The following ATP6V1C2 variants were observed in gnomAD, a reference collection of about 807,000 sequenced individuals.
The protein encoded by ATP6V1C2 is V-type proton ATPase subunit C 2.
In ATP6V1C2, 45 loss-of-function variants were observed where a neutral mutation model predicts 56.8. That is an observed-to-expected ratio of 0.79 (90% CI 0.62 to 1.02). The LOEUF is 1.02. Ranked by LOEUF, ATP6V1C2 falls within the 50% of genes least tolerant of loss-of-function variation. The probability of loss-of-function intolerance (pLI) is 0.00; values close to 1 mark genes in which losing one functional copy is unlikely to be tolerated. For synonymous variants in ATP6V1C2, 220 were observed against 201.3 expected, an observed-to-expected ratio of 1.09 and a Z score of -0.79; for missense variants, 463 against 519.7, an observed-to-expected ratio of 0.89 and a Z score of 1.06.
chr2:10,722,757 G>C (rs1358967392), intron 1 of ATP6V1C2, 67 bp from the exon 2 acceptor site: 1 of 1,512,448 alleles, frequency 6.6e-7, no homozygotes, highest in African/African-American at 1.4e-5. Flanking sequence ...GGAGTGGTGA[G>C]GCGGGGATAT....
intron 3 of ATP6V1C2, among the ~76,000 whole-genome samples, chr2:10,739,916 A>G (rs1162902713): frequency 2.0e-5 from 3 of 152,006 alleles, no homozygotes; most frequent in Non-Finnish European, 4.4e-5. Context: ...CCTGGCCAAC[A>G]TGGTGAAACC....
chr2:10,754,127 G>A (rs1213316445), intron 4 of ATP6V1C2, 61 bp downstream of exon 4: 18 of 1,434,124 alleles, frequency 1.3e-5, no homozygotes, highest in East Asian at 2.5e-5. Context: ...GACCAGAGTC[G>A]TCCTTGCTGT....
intron 6 of ATP6V1C2, 113 bp from the exon 7 acceptor site, chr2:10,771,726 G>A (rs1406370073): frequency 3.3e-5 from 26 of 786,826 alleles, no homozygotes; most frequent in Admixed American, 3.1e-4. Flanking sequence ...AGCATCCCTG[G>A]CACCCACCCT....
At chr2:10,748,972 T>C (rs1262664450) in intron 3 of ATP6V1C2, among the ~76,000 whole-genome samples, 1 of 150,998 alleles carries the variant, frequency 6.6e-6, no homozygotes, top group Non-Finnish European at 1.5e-5. Flanking sequence ...CTACTAAAAA[T>C]ACAAAAACTT....
At chr2:10,750,065 C>G (rs1162269029) in intron 3 of ATP6V1C2, among the ~76,000 whole-genome samples, 3 of 152,208 alleles carry the variant, frequency 2.0e-5, no homozygotes, top group Non-Finnish European at 4.4e-5. Flanking sequence ...TACTGCAATT[C>G]ACTGATGACC....
chr2:10,749,416 C>G (rs1663093392), intron 3 of ATP6V1C2, among the ~76,000 whole-genome samples: 1 of 151,998 alleles, frequency 6.6e-6, no homozygotes, highest in Admixed American at 6.6e-5. Context: ...AAGAAAATAG[C>G]CTTTTATAGA....
intron 5 of ATP6V1C2, among the ~76,000 whole-genome samples, chr2:10,766,583 G>A (rs60607198): frequency 0.031 from 4,754 of 151,724 alleles, 280 homozygotes; most frequent in African/African-American, 0.11. Context: ...ATTTTTTTTC[G>A]TTTTTTTGTT....
In ATP6V1C2 at chr2:10,731,484, T is replaced by C. The variant is rs187692684; in HGVS notation, c.197+4915T>C. Among the ~76,000 whole-genome samples, 477 of 152,340 alleles carry C rather than the reference T, an allele frequency of 3.1e-3. 5 individuals carry two copies. Among genetic ancestry groups the C allele is most frequent in the African/African-American group, 0.011 (455 of 41,574 alleles). ...GGTATGACTGGCCTTGTACAACTTATGGCCTAGCTGAGAAGACACATATTA... is the reference window on the plus strand; with the variant it reads ...GGTATGACTGGCCTTGTACAACTTACGGCCTAGCTGAGAAGACACATATTA... On this transcript the variant is annotated intron_variant, in intron 3 of 13. Coordinates refer to ENST00000272238, the MANE Select transcript of ATP6V1C2 (RefSeq NM_001039362.2).
At chr2:10,731,997 A>G (rs1481870744) in intron 3 of ATP6V1C2, among the ~76,000 whole-genome samples, 2 of 152,042 alleles carry the variant, frequency 1.3e-5, no homozygotes, top group Non-Finnish European at 2.9e-5. Flanking sequence ...AAAAGAAAAA[A>G]AAAAAGTGTG....
chr2:10,732,828 G>A (rs868117240), intron 3 of ATP6V1C2, among the ~76,000 whole-genome samples: 3 of 151,556 alleles, frequency 2.0e-5, no homozygotes, highest in Non-Finnish European at 2.9e-5. Flanking sequence ...AAAATTAGCC[G>A]GGCCTGGTGG....
chr2:10,727,669 C>T (rs1047672624), intron 3 of ATP6V1C2, among the ~76,000 whole-genome samples: 11 of 152,258 alleles, frequency 7.2e-5, no homozygotes, highest in African/African-American at 2.6e-4. Context: ...GAGGCCGAGG[C>T]AGGTGGATCA....
chr2:10,781,689 T>C (rs2148519911), intron 12 of ATP6V1C2, among the ~76,000 whole-genome samples: 1 of 152,230 alleles, frequency 6.6e-6, no homozygotes, highest in East Asian at 1.9e-4. Flanking sequence ...TAAAAATACA[T>C]CAACAATCAC....
chr2:10,767,521 G>A (rs1198843), intron 5 of ATP6V1C2, among the ~76,000 whole-genome samples: 57,220 of 151,648 alleles, frequency 0.38, 11,245 homozygotes, highest in East Asian at 0.63. Flanking sequence ...ACAGTGGTGT[G>A]ATCTCAGCTC....
chr2:10,779,942 C>CGT, intron 12 of ATP6V1C2, among the ~76,000 whole-genome samples: 1 of 152,264 alleles, frequency 6.6e-6, no homozygotes. Flanking sequence ...CTGCGTCCCG[C>CGT]GTCACGGAGC....
At chr2:10,755,405 C>T (rs746464236) in intron 4 of ATP6V1C2, among the ~76,000 whole-genome samples, 31 of 152,276 alleles carry the variant, frequency 2.0e-4, no homozygotes, top group Non-Finnish European at 3.7e-4. Context: ...TGGTCTTAAA[C>T]TCCTGGGCTC....
rs1662669062 is a variant in ATP6V1C2 at position 10,743,297 on chromosome 2, G to A, written c.198-10684G>A. 4.0e-5 allele frequency among the ~76,000 whole-genome samples: 6 copies of A among 151,184 alleles called. No individual in the cohort carries two copies. In the South Asian group the frequency reaches 1.3e-3, roughly 32 times the overall value. On this transcript the variant is annotated intron_variant, in intron 3 of 13. Coordinates refer to ENST00000272238, the MANE Select transcript of ATP6V1C2 (RefSeq NM_001039362.2). ...TATTTATTTATTTGGTAGATACAGG[G>A]TCTCGCTATGTTGCTCAAGCTGATC...
Position 10,774,893 on chromosome 2 carries a change from C to T in ATP6V1C2, c.731+13C>T, listed in dbSNP as rs972610045. On this transcript the variant is annotated intron_variant, in intron 9 of 13. Coordinates refer to ENST00000272238, the MANE Select transcript of ATP6V1C2 (RefSeq NM_001039362.2). ...CCAAAGAAAACAAGTAAGGGTCCTCCAGGTTTGGTTCATCTCCCGCTGCGG... is the reference window on the plus strand; with the variant it reads ...CCAAAGAAAACAAGTAAGGGTCCTCTAGGTTTGGTTCATCTCCCGCTGCGG... 1.7e-5 allele frequency: 27 copies of T among 1,613,714 alleles called. No individual in the cohort carries two copies. Among genetic ancestry groups the T allele is most frequent in the East Asian group, 2.2e-5 (1 of 44,896 alleles).
chr2:10,755,632 G>A (rs564371491), intron 4 of ATP6V1C2, among the ~76,000 whole-genome samples: 2 of 152,258 alleles, frequency 1.3e-5, no homozygotes, highest in South Asian at 2.1e-4. Context: ...AGCTCAGCCC[G>A]GCTCCTACTG....
chr2:10,734,506 T>C (rs1029982200), intron 3 of ATP6V1C2, among the ~76,000 whole-genome samples: 4 of 152,146 alleles, frequency 2.6e-5, no homozygotes, highest in Non-Finnish European at 5.9e-5. Context: ...AATGGATGAA[T>C]AGAGGGAAGC....
Sources: allele counts gnomAD v4.1 joint callset (sites outside exome capture counted in the v4.1 genomes callset), GRCh38; gene constraint gnomAD v4.1.1; transcripts MANE v1.5; gene names NCBI Gene and HGNC (gene_info 2026-07-23, HGNC 2026-07-21).